RANBP2: variants seen among roughly 807,000 people sequenced by gnomAD.
The protein encoded by RANBP2 is RAN binding protein 2.
A neutral mutation model predicts 303.6 loss-of-function variants in RANBP2; 57 were observed. The ratio of observed to expected loss-of-function variants is 0.19; its 90% CI spans 0.15 to 0.23. The LOEUF (loss-of-function observed/expected upper bound fraction) is 0.23. Ranked by LOEUF, RANBP2 falls within the 10% of genes least tolerant of loss-of-function variation. The pLI is 1.00. For missense variants in RANBP2, 3,138 were observed against 3,780.8 expected, an observed-to-expected ratio of 0.83 and a Z score of 4.46; for synonymous variants, 1,167 against 1,301.5, an observed-to-expected ratio of 0.90 and a Z score of 2.23.
chr2:108,766,976 T>C lies in RANBP2; in HGVS notation c.6437T>C (p.Leu2146Pro), dbSNP rs762960651. The change falls in exon 20 of 29, where the codon CTG (leucine) becomes CCG (proline). Residue 2146 changes from leucine (L) to proline (P), a missense_variant. Coordinates refer to ENST00000283195, the MANE Select transcript of RANBP2 (RefSeq NM_006267.5). Reference protein sequence around the residue: ...KQKFEECQRLLLDIPLQTPHK... With the variant: ...KQKFEECQRLPLDIPLQTPHK... ...AAATTTGAGGAATGCCAGCGGCTTCTGTTAGACATACCACTTCAAACTCCC... is the reference window on the plus strand; with the variant it reads ...AAATTTGAGGAATGCCAGCGGCTTCCGTTAGACATACCACTTCAAACTCCC... The C allele has an allele frequency of 1.2e-6, 2 of 1,609,380 alleles. No individual in the cohort carries two copies. Among genetic ancestry groups the C allele is most frequent in the Non-Finnish European group, 1.7e-6 (2 of 1,179,836 alleles).
chr2:109,225,448 C>T, the RANBP2 span, among the ~76,000 whole-genome samples: 1 of 152,210 alleles, frequency 6.6e-6, no homozygotes, highest in African/African-American at 2.4e-5. Context: ...AAACAACTCC[C>T]TTTAAAGATA....
the RANBP2 span, among the ~76,000 whole-genome samples, chr2:109,398,154 G>A: frequency 5.9e-5 from 9 of 152,202 alleles, no homozygotes; most frequent in Admixed American, 3.3e-4. Flanking sequence ...AATCTCCTCC[G>A]GGGACCTGCA....
chr2:109,183,678 C>T, the RANBP2 span, among the ~76,000 whole-genome samples: 1 of 152,174 alleles, frequency 6.6e-6, no homozygotes, highest in Admixed American at 6.5e-5. Flanking sequence ...ACAGTTCATC[C>T]CTGAAAACAA....
chr2:109,689,902 G>T, the RANBP2 span, among the ~76,000 whole-genome samples: 83 of 152,258 alleles, frequency 5.5e-4, no homozygotes, highest in Non-Finnish European at 8.4e-4. Context: ...ATTAGTATCT[G>T]TGTTCACTCT....
chr2:109,075,821 G>T, the RANBP2 span, among the ~76,000 whole-genome samples: 1 of 150,104 alleles, frequency 6.7e-6, no homozygotes, highest in Non-Finnish European at 1.5e-5. Context: ...GGAGATTGAG[G>T]CATTAATCAA....
the RANBP2 span, among the ~76,000 whole-genome samples, chr2:109,037,292 C>T: frequency 4.0e-5 from 6 of 148,454 alleles, no homozygotes; most frequent in African/African-American, 1.3e-4. Context: ...CCACTGCACT[C>T]CAGTCTGGGT....
chr2:109,329,223 G>A, the RANBP2 span, among the ~76,000 whole-genome samples: 1 of 152,076 alleles, frequency 6.6e-6, no homozygotes, highest in African/African-American at 2.4e-5. Flanking sequence ...CCAATTACCA[G>A]GTCCAGTCTC....
chr2:109,176,493 G>A, the RANBP2 span, among the ~76,000 whole-genome samples: 1 of 152,146 alleles, frequency 6.6e-6, no homozygotes, highest in East Asian at 1.9e-4. Context: ...ACACTTTGTG[G>A]GGCCAAGGTG....
the RANBP2 span, among the ~76,000 whole-genome samples, chr2:109,520,229 T>G: frequency 2.5e-4 from 38 of 152,290 alleles, no homozygotes; most frequent in South Asian, 7.5e-3. Flanking sequence ...TTTTAAGTTT[T>G]TAAAAGGGAA....
the RANBP2 span, among the ~76,000 whole-genome samples, chr2:109,330,646 G>A: frequency 6.6e-6 from 1 of 152,186 alleles, no homozygotes; most frequent in African/African-American, 2.4e-5. Flanking sequence ...AGAGACGGAA[G>A]GGAGGGATGA....
chr2:109,454,746 T>A, the RANBP2 span, among the ~76,000 whole-genome samples: 8 of 152,152 alleles, frequency 5.3e-5, no homozygotes, highest in Non-Finnish European at 1.2e-4. Context: ...GGAGCTTCTG[T>A]GTTGCTGTGT....
At chr2:109,125,821 C>T in the RANBP2 span, among the ~76,000 whole-genome samples, 1 of 152,270 alleles carries the variant, frequency 6.6e-6, no homozygotes, top group Non-Finnish European at 1.5e-5. Context: ...AATACTTCAA[C>T]TATTTAGTTC....
At chr2:109,129,551 G>A in the RANBP2 span, 17 of 1,495,834 alleles carry the variant, frequency 1.1e-5, no homozygotes, top group Middle Eastern at 8.9e-4. Flanking sequence ...ATGCTGCTCG[G>A]AGCGTCCTGG....
At chr2:109,051,708 T>A in the RANBP2 span, among the ~76,000 whole-genome samples, 1 of 152,150 alleles carries the variant, frequency 6.6e-6, no homozygotes, top group Non-Finnish European at 1.5e-5. Context: ...GTCTCTCTGC[T>A]TTTGTTATAA....
the RANBP2 span, among the ~76,000 whole-genome samples, chr2:109,490,436 G>A: frequency 6.6e-6 from 1 of 152,214 alleles, no homozygotes; most frequent in African/African-American, 2.4e-5. Context: ...GCAAGAAAAT[G>A]CTGGTACTCT....
the RANBP2 span, among the ~76,000 whole-genome samples, chr2:109,508,030 T>A: frequency 6.6e-6 from 1 of 152,116 alleles, no homozygotes; most frequent in African/African-American, 2.4e-5. Context: ...TCACATGACG[T>A]TTGTGGGTAT....
the RANBP2 span, among the ~76,000 whole-genome samples, chr2:108,983,186 C>T: frequency 6.6e-6 from 1 of 152,312 alleles, no homozygotes; most frequent in East Asian, 1.9e-4. Flanking sequence ...TGTCAACAAA[C>T]ACATCCCCAA....
chr2:109,359,253 A>C, the RANBP2 span, among the ~76,000 whole-genome samples: 1 of 152,140 alleles, frequency 6.6e-6, no homozygotes, highest in East Asian at 1.9e-4. Context: ...TGGCTCTTCT[A>C]GGTCTCTTGC....
chr2:109,139,412 G>A, the RANBP2 span, among the ~76,000 whole-genome samples: 1 of 152,080 alleles, frequency 6.6e-6, no homozygotes, highest in Admixed American at 6.6e-5. Flanking sequence ...CAGTATGAAA[G>A]GTGAATGCTC....
Sources: allele counts gnomAD v4.1 joint callset (sites outside exome capture counted in the v4.1 genomes callset), GRCh38; gene constraint gnomAD v4.1.1; transcripts MANE v1.5; gene names NCBI Gene and HGNC (gene_info 2026-07-23, HGNC 2026-07-21).